CDKAL1: variants seen among roughly 807,000 people sequenced by gnomAD.
CDKAL1 encodes the protein threonylcarbamoyladenosine tRNA methylthiotransferase.
A neutral mutation model predicts 68.2 loss-of-function variants in CDKAL1; 32 were observed. That is an observed-to-expected ratio of 0.47 (90% confidence interval 0.35 to 0.63). The LOEUF is 0.63. Ranked by LOEUF, CDKAL1 falls within the 30% of genes least tolerant of loss-of-function variation. The probability of loss-of-function intolerance (pLI) is 0.00; values close to 1 mark genes in which losing one functional copy is unlikely to be tolerated. For missense variants in CDKAL1, 606 were observed against 696.7 expected, an observed-to-expected ratio of 0.87 and a Z score of 1.47; for synonymous variants, 234 against 244.3, an observed-to-expected ratio of 0.96 and a Z score of 0.39.
chr6:20,584,046 CT>C (rs56742923), intron 4 of CDKAL1, among the ~76,000 whole-genome samples: 9,126 of 140,526 alleles, frequency 0.065, 299 homozygotes, highest in Middle Eastern at 0.085. Context: ...TGCTGGTTTC[CT>C]TTTTTTTTTT....
intron 13 of CDKAL1, among the ~76,000 whole-genome samples, chr6:21,118,523 G>A (rs1181507493): frequency 6.6e-6 from 1 of 152,216 alleles, no homozygotes; most frequent in Non-Finnish European, 1.5e-5. Context: ...TGAGATGAAA[G>A]TATTTCCATG....
At chr6:20,537,985 G>A (rs1250679910) in intron 2 of CDKAL1, among the ~76,000 whole-genome samples, 1 of 152,200 alleles carries the variant, frequency 6.6e-6, no homozygotes, top group Non-Finnish European at 1.5e-5. Context: ...CCAGGTTTAT[G>A]CTACATAATG....
At chr6:20,791,703 T>G (rs530460313) in intron 8 of CDKAL1, among the ~76,000 whole-genome samples, 74 of 152,316 alleles carry the variant, frequency 4.9e-4, no homozygotes, top group Non-Finnish European at 7.3e-4. Context: ...GTCAGATGAC[T>G]CCTAAGATGC....
chr6:20,896,693 A>T (rs757928682), intron 9 of CDKAL1, among the ~76,000 whole-genome samples: 1 of 152,138 alleles, frequency 6.6e-6, no homozygotes, highest in Non-Finnish European at 1.5e-5. Flanking sequence ...TTCACTTTTC[A>T]GTTAACATTC....
chr6:21,172,628 G>GC (rs1300007856), intron 13 of CDKAL1, among the ~76,000 whole-genome samples: 6 of 152,144 alleles, frequency 3.9e-5, no homozygotes, highest in Non-Finnish European at 8.8e-5. Flanking sequence ...ATGGTAGCAT[G>GC]CCCCTATAGT....
Position 21,231,780 on chromosome 6 carries a change from T to C in CDKAL1, c.*741T>C, listed in dbSNP as rs1166751216. On this transcript the variant is annotated 3_prime_UTR_variant, in exon 16 of 16. Transcript: ENST00000274695. ...CTTCCCCTTCAGGCTTTGTTTGGAG[T>C]CCCAGTGCTACAAACATTGTATTTT... The C allele has an allele frequency of 2.6e-5, 4 of 152,078 alleles. No individual in the cohort carries two copies. The highest frequency in any genetic ancestry group is 4.4e-5 in the Non-Finnish European group (3 of 68,028). 9.4% of individuals were successfully genotyped at this position (152,078 alleles called of 1,614,324 possible).
intron 5 of CDKAL1, among the ~76,000 whole-genome samples, chr6:20,684,973 A>G (rs1770553128): frequency 6.6e-6 from 1 of 152,152 alleles, no homozygotes; most frequent in African/African-American, 2.4e-5. Flanking sequence ...TTTCTTGACA[A>G]TATCTTTTGC....
intron 4 of CDKAL1, among the ~76,000 whole-genome samples, chr6:20,627,463 T>G (rs1023744619): frequency 6.6e-6 from 1 of 152,148 alleles, no homozygotes; most frequent in Non-Finnish European, 1.5e-5. Context: ...AGGTTTCCCT[T>G]GGTCACATCT....
At chr6:21,122,239 A>G (rs1774758152) in intron 13 of CDKAL1, among the ~76,000 whole-genome samples, 1 of 152,230 alleles carries the variant, frequency 6.6e-6, no homozygotes, top group Admixed American at 6.5e-5. Context: ...AATATATTAC[A>G]CTGTCTGTAC....
chr6:20,689,473 A>C (rs540207734), intron 5 of CDKAL1, among the ~76,000 whole-genome samples: 10 of 152,280 alleles, frequency 6.6e-5, no homozygotes, highest in South Asian at 4.1e-4. Context: ...GGTGACCTCA[A>C]TTCTCTTACA....
At chr6:20,753,156 T>G (rs1426401688) in intron 6 of CDKAL1, among the ~76,000 whole-genome samples, 1 of 147,124 alleles carries the variant, frequency 6.8e-6, no homozygotes, top group Non-Finnish European at 1.5e-5. Context: ...CAGGTACTTC[T>G]TAGCAACTGC....
Position 21,113,496 on chromosome 6 carries a change from T to G in CDKAL1, c.1299+5033T>G, listed in dbSNP as rs138597513. ...ACCCATCTCTACAAAAAAACGGGGT[T>G]TTTTTGTTTTTGTTTTTGTTTTTGA... On this transcript the variant is annotated intron_variant, in intron 13 of 15. Coordinates refer to ENST00000274695, the MANE Select transcript of CDKAL1 (RefSeq NM_017774.3). Among the ~76,000 whole-genome samples, 19 of 151,724 alleles carry G rather than the reference T, an allele frequency of 1.3e-4. No individual in the cohort carries two copies. The East Asian group carries it at 3.8e-3, about 30-fold the overall frequency.
At chr6:20,819,437 G>T (rs1777183389) in intron 8 of CDKAL1, among the ~76,000 whole-genome samples, 1 of 152,132 alleles carries the variant, frequency 6.6e-6, no homozygotes, top group African/African-American at 2.4e-5. Flanking sequence ...ATTTTTAAAA[G>T]ATGTGGCAGT....
chr6:21,217,744 C>T (rs559189573), intron 15 of CDKAL1, among the ~76,000 whole-genome samples: 50 of 152,218 alleles, frequency 3.3e-4, no homozygotes, highest in African/African-American at 1.0e-3. Context: ...GTGATCCACC[C>T]GCCTCGGCCT....
At chr6:20,703,302 T>C (rs1562038335) in intron 5 of CDKAL1, among the ~76,000 whole-genome samples, 1 of 152,214 alleles carries the variant, frequency 6.6e-6, no homozygotes, top group South Asian at 2.1e-4. Flanking sequence ...AGGTACTGTT[T>C]GTGACTGCAT....
At chr6:21,133,052 T>A (rs911677726) in intron 13 of CDKAL1, among the ~76,000 whole-genome samples, 1 of 152,192 alleles carries the variant, frequency 6.6e-6, no homozygotes, top group Non-Finnish European at 1.5e-5. Context: ...CCAAAAATAG[T>A]CATTAGTATT....
intron 13 of CDKAL1, among the ~76,000 whole-genome samples, chr6:21,110,825 A>T (rs2150994843): frequency 6.6e-6 from 1 of 152,242 alleles, no homozygotes; most frequent in South Asian, 2.1e-4. Context: ...AAAATTAGCC[A>T]GGCATGGTAT....
At chr6:20,804,685 T>C (rs1289221311) in intron 8 of CDKAL1, among the ~76,000 whole-genome samples, 14 of 152,144 alleles carry the variant, frequency 9.2e-5, no homozygotes, top group Admixed American at 9.2e-4. Context: ...ATCTATGATG[T>C]TGTACAGGAA....
chr6:21,039,307 A>C (rs1054516949), intron 11 of CDKAL1, among the ~76,000 whole-genome samples: 1 of 152,192 alleles, frequency 6.6e-6, no homozygotes, highest in African/African-American at 2.4e-5. Flanking sequence ...CAAACCCCCA[A>C]GTCCATGGAA....
Sources: allele counts gnomAD v4.1 joint callset (sites outside exome capture counted in the v4.1 genomes callset), GRCh38; gene constraint gnomAD v4.1.1; transcripts MANE v1.5; gene names NCBI Gene and HGNC (gene_info 2026-07-23, HGNC 2026-07-21).